GALNT13: variants seen among roughly 807,000 people sequenced by gnomAD.
GALNT13 encodes the protein polypeptide N-acetylgalactosaminyltransferase 13, also known as UDP-GalNAc:polypeptide N-acetylgalactosaminyltransferase 13.
A neutral mutation model predicts 64.2 loss-of-function variants in GALNT13; 28 were observed. The ratio of observed to expected loss-of-function variants is 0.44; its 90% CI spans 0.32 to 0.60. GALNT13 has a LOEUF of 0.60. GALNT13 is among the 20% of genes least tolerant of loss of function. The pLI is 0.05. For missense variants in GALNT13, 577 were observed against 669.8 expected, an observed-to-expected ratio of 0.86 and a Z score of 1.53; for synonymous variants, 214 against 224.6, an observed-to-expected ratio of 0.95 and a Z score of 0.42.
intron 8 of GALNT13, among the ~76,000 whole-genome samples, chr2:154,298,573 AATTGTATATATAATTT>A (rs1693118784): frequency 9.1e-5 from 1 of 10,972 alleles, no homozygotes; most frequent in Admixed American, 1.2e-3. Context: ...TTTATATATA[AATTGTATATATAATTT>A]ATATATACAA....
intron 3 of GALNT13, among the ~76,000 whole-genome samples, chr2:154,124,691 T>C (rs1682154626): frequency 6.6e-6 from 1 of 151,982 alleles, no homozygotes; most frequent in South Asian, 2.1e-4. Context: ...TATGATTTAA[T>C]ATGAAAAATA....
At chr2:153,881,950 A>G (rs1328213548) in intron 1 of GALNT13, among the ~76,000 whole-genome samples, 1 of 152,108 alleles carries the variant, frequency 6.6e-6, no homozygotes, top group Non-Finnish European at 1.5e-5. Flanking sequence ...CAATAGTGTA[A>G]TAATTTTGTT....
the GALNT13 span, among the ~76,000 whole-genome samples, chr2:153,124,892 A>G: frequency 6.6e-6 from 1 of 152,196 alleles, no homozygotes; most frequent in Non-Finnish European, 1.5e-5. Context: ...TCCTTGCTTA[A>G]TCTATGAACC....
chr2:154,029,758 G>T (rs1698223240), intron 3 of GALNT13, among the ~76,000 whole-genome samples: 1 of 152,082 alleles, frequency 6.6e-6, no homozygotes, highest in Admixed American at 6.6e-5. Context: ...CTGTGAGACA[G>T]AAAAGTTTTA....
chr2:153,593,543 T>A, the GALNT13 span, among the ~76,000 whole-genome samples: 2 of 152,304 alleles, frequency 1.3e-5, no homozygotes, highest in East Asian at 3.9e-4. Flanking sequence ...TCCTGTTGCT[T>A]TTGTTGAGAT....
chr2:154,450,416 C>T lies in GALNT13; in HGVS notation c.1536C>T (p.Leu512=). 1 of 1,609,180 alleles carries T rather than the reference C, an allele frequency of 6.2e-7. No homozygotes were observed. Among genetic ancestry groups the T allele is most frequent in the Non-Finnish European group, 8.5e-7 (1 of 1,177,912 alleles). ...TTATTGGTTATCTTTTACAGAGACT[C>T]ACGTTGCGACATGTTAACAGTAACC... ...NQLWEYDAER[L]TLRHVNSNQC... is the part of the protein sequence containing the mutation. The change falls in exon 13 of 13, where the codon CTC becomes CTT. Residue 512 remains leucine (L), a synonymous_variant. Coordinates refer to ENST00000392825, the MANE Select transcript of GALNT13 (RefSeq NM_052917.4).
chr2:154,104,605 G>A (rs1381831705), intron 3 of GALNT13, among the ~76,000 whole-genome samples: 2 of 152,278 alleles, frequency 1.3e-5, no homozygotes, highest in East Asian at 3.9e-4. Context: ...TGAAGACTTG[G>A]ACTTTATCTG....
chr2:153,684,751 A>G, the GALNT13 span, among the ~76,000 whole-genome samples: 1 of 151,740 alleles, frequency 6.6e-6, no homozygotes, highest in African/African-American at 2.4e-5. Context: ...TTCATCACCC[A>G]GGTATTAAGC....
At chr2:153,931,394 A>C (rs1484976411) in intron 2 of GALNT13, among the ~76,000 whole-genome samples, 1 of 151,756 alleles carries the variant, frequency 6.6e-6, no homozygotes, top group Non-Finnish European at 1.5e-5. Flanking sequence ...GAATAGGAGT[A>C]GTGAGAGTGG....
intron 3 of GALNT13, among the ~76,000 whole-genome samples, chr2:154,015,619 A>G (rs1314708751): frequency 6.6e-6 from 1 of 152,182 alleles, no homozygotes; most frequent in Non-Finnish European, 1.5e-5. Context: ...TTGAAAATTT[A>G]TGTTACTCAT....
At chr2:153,434,542 T>A in the GALNT13 span, among the ~76,000 whole-genome samples, 34 of 152,338 alleles carry the variant, frequency 2.2e-4, no homozygotes, top group South Asian at 2.7e-3. Flanking sequence ...TGAGATGGTA[T>A]CTCATTGTGG....
chr2:153,107,241 T>C, the GALNT13 span, among the ~76,000 whole-genome samples: 2 of 152,134 alleles, frequency 1.3e-5, no homozygotes. Flanking sequence ...AGAAGAGCCA[T>C]AGGGCTAAGA....
At chr2:153,477,289 G>C in the GALNT13 span, 1 of 152,594 alleles carries the variant, frequency 6.6e-6, no homozygotes, top group Admixed American at 6.5e-5. Context: ...CCGCCGCCCC[G>C]TTCCCCCCTG....
At chr2:153,781,680 A>G in the GALNT13 span, among the ~76,000 whole-genome samples, 3 of 152,076 alleles carry the variant, frequency 2.0e-5, no homozygotes, top group African/African-American at 7.2e-5. Flanking sequence ...TTTTAAAATT[A>G]AAAACTTGTC....
chr2:153,154,680 A>G, the GALNT13 span, among the ~76,000 whole-genome samples: 1 of 152,148 alleles, frequency 6.6e-6, no homozygotes, highest in Non-Finnish European at 1.5e-5. Flanking sequence ...CGCTATCTGC[A>G]AACAGTTTGG....
chr2:153,359,089 A>G, the GALNT13 span, among the ~76,000 whole-genome samples: 2,829 of 152,302 alleles, frequency 0.019, 94 homozygotes, highest in African/African-American at 0.063. Flanking sequence ...TAATTTATGT[A>G]TAGTATTCCA....
chr2:153,684,053 A>G, the GALNT13 span, among the ~76,000 whole-genome samples: 2 of 133,116 alleles, frequency 1.5e-5, no homozygotes, highest in African/African-American at 5.5e-5. Context: ...CTATATCAGT[A>G]TTTCCTCTTC....
the GALNT13 span, among the ~76,000 whole-genome samples, chr2:153,815,009 T>C: frequency 1.3e-5 from 2 of 152,206 alleles, no homozygotes; most frequent in Non-Finnish European, 2.9e-5. Context: ...AATATTATTA[T>C]TTCCTAGTTC....
At chr2:153,478,270 T>G in the GALNT13 span, 10 of 1,613,906 alleles carry the variant, frequency 6.2e-6, no homozygotes, top group Non-Finnish European at 8.5e-6. Context: ...CTCCACCTCC[T>G]TAGACGGCCT....
Sources: gnomAD v4.1 joint callset for allele counts (sites outside exome capture counted in the v4.1 genomes callset) on GRCh38, gnomAD v4.1.1 for gene constraint, MANE v1.5 for transcripts, NCBI Gene and HGNC (gene_info 2026-07-23, HGNC 2026-07-21) for gene names.